UCK2: variants seen among roughly 807,000 people sequenced by gnomAD.
The protein encoded by UCK2 is uridine-cytidine kinase 2.
In UCK2, 6 loss-of-function variants were observed where a neutral mutation model predicts 30.8. The ratio of observed to expected loss-of-function variants is 0.19; its 90% CI spans 0.11 to 0.38. The LOEUF (loss-of-function observed/expected upper bound fraction) is 0.38. UCK2 is among the 10% of genes least tolerant of loss of function. The pLI is 1.00. For synonymous variants in UCK2, 125 were observed against 133.6 expected (o/e 0.94, Z 0.45); for missense variants, 210 against 339.8 (o/e 0.62, Z 3.00).
chr1:165,890,152 T>G (rs1571294580), intron 1 of UCK2, 52 bp from the exon 2 acceptor site: 1 of 1,607,076 alleles, frequency 6.2e-7, no homozygotes, highest in East Asian at 2.2e-5. Context: ...ACTTCCTCTG[T>G]ACCACACGTG....
At chr1:165,876,501 G>A (rs1268511579) in intron 1 of UCK2, among the ~76,000 whole-genome samples, 1 of 152,152 alleles carries the variant, frequency 6.6e-6, no homozygotes, top group East Asian at 1.9e-4. Context: ...TTTGTAAAAT[G>A]CAATGATACA....
intron 1 of UCK2, among the ~76,000 whole-genome samples, chr1:165,839,859 T>C (rs1654282636): frequency 6.6e-6 from 1 of 152,210 alleles, no homozygotes; most frequent in Non-Finnish European, 1.5e-5. Flanking sequence ...GCCGGTCACT[T>C]GCCGGTACCG....
intron 1 of UCK2, among the ~76,000 whole-genome samples, chr1:165,848,660 C>CCACA (rs71583906): frequency 1.4e-5 from 2 of 147,890 alleles, no homozygotes; most frequent in Non-Finnish European, 3.0e-5. Context: ...ACACACACAC[C>CCACA]CACACACACA....
intron 1 of UCK2, among the ~76,000 whole-genome samples, chr1:165,844,960 G>A (rs776366643): frequency 6.6e-6 from 1 of 152,038 alleles, no homozygotes; most frequent in Non-Finnish European, 1.5e-5. Context: ...TAATAAATGG[G>A]TAAACATAAG....
At chr1:165,839,571 A>G (rs1654274788) in intron 1 of UCK2, among the ~76,000 whole-genome samples, 1 of 152,080 alleles carries the variant, frequency 6.6e-6, no homozygotes, top group Non-Finnish European at 1.5e-5. Context: ...AAGCTTTATA[A>G]TGTGTCCACT....
At position 165,909,424 on chromosome 1, in the gene UCK2, C is replaced by G. The variant is rs1425506946; in HGVS notation, c.*1601C>G. On this transcript the variant is annotated 3_prime_UTR_variant, in exon 7 of 7. Transcript: ENST00000367879. ...CATTGCTCTCAGAGCCTGTTCGAGCCATTCAGGTAAATTGGTCTCCATTAT... is the reference window on the plus strand; with the variant it reads ...CATTGCTCTCAGAGCCTGTTCGAGCGATTCAGGTAAATTGGTCTCCATTAT... 6.6e-6 allele frequency: 1 copy of G among 152,206 alleles called. No individual in the cohort carries two copies. The highest frequency in any genetic ancestry group is 1.9e-4 in the East Asian group (1 of 5,202). 9.4% of individuals were successfully genotyped at this position (152,206 alleles called of 1,614,324 possible).
At position 165,909,535 on chromosome 1, in the gene UCK2, T is replaced by G. The variant is rs926679800; in HGVS notation, c.*1712T>G. 2.0e-5 allele frequency: 3 copies of G among 152,122 alleles called. No homozygotes were observed. The highest frequency in any genetic ancestry group is 7.2e-5 in the African/African-American group (3 of 41,420). The allele number at this position is 152,122 out of a possible 1,614,324, so 9.4% of individuals were successfully genotyped here. ...TGGGCTCAGTTTGACTCTAAATCTG[T>G]TTTGCTATTTTAAAAAGTCAAACCT... On this transcript the variant is annotated 3_prime_UTR_variant, in exon 7 of 7. Transcript: ENST00000367879.
At position 165,827,699 on chromosome 1, in the gene UCK2, G is replaced by T. The variant is rs917869047; in HGVS notation, c.-135G>T. The T allele has an allele frequency of 1.4e-4, 101 of 744,600 alleles. No individual in the cohort carries two copies. Among genetic ancestry groups the T allele is most frequent in the Admixed American group, 5.3e-4 (12 of 22,584 alleles). The allele number at this position is 744,600 out of a possible 1,614,324, so 46.1% of individuals were successfully genotyped here. ...CCCGTCACCGGGCTCCGAGCGGCTC[G>T]CAGGCGAGCGACAGCGGCCTCAGCC... On this transcript the variant is annotated 5_prime_UTR_variant, in exon 1 of 7. Transcript: ENST00000367879.
chr1:165,850,589 A>G (rs1473299197), intron 1 of UCK2, among the ~76,000 whole-genome samples: 3 of 149,110 alleles, frequency 2.0e-5, no homozygotes, highest in Non-Finnish European at 3.0e-5. Context: ...ACAGGTGCAC[A>G]TGCCACAACA....
intron 5 of UCK2, 103 bp downstream of exon 5, chr1:165,903,382 C>T (rs768506816): frequency 1.1e-6 from 1 of 942,502 alleles, no homozygotes; most frequent in South Asian, 1.5e-5. Context: ...CTGAATCTCA[C>T]TCCTCTCTCT....
intron 1 of UCK2, among the ~76,000 whole-genome samples, chr1:165,837,697 T>C (rs1433109262): frequency 6.6e-6 from 1 of 152,200 alleles, no homozygotes; most frequent in Non-Finnish European, 1.5e-5. Flanking sequence ...TTTACCTCAC[T>C]ATTGCCTGAA....
intron 3 of UCK2, chr1:165,894,097 C>T (rs757651073): frequency 6.6e-6 from 1 of 152,090 alleles, no homozygotes; most frequent in South Asian, 2.1e-4. Context: ...TGTAGATCCT[C>T]TCTCCCCCTG....
intron 1 of UCK2, among the ~76,000 whole-genome samples, chr1:165,853,661 C>T (rs1245405584): frequency 6.6e-6 from 1 of 152,136 alleles, no homozygotes; most frequent in African/African-American, 2.4e-5. Context: ...CTCTTTCCAT[C>T]CTTTGATGCT....
At chr1:165,896,102 C>T (rs1647236264) in intron 3 of UCK2, 88 bp from the exon 4 acceptor site, 6 of 1,554,866 alleles carry the variant, frequency 3.9e-6, no homozygotes, top group Non-Finnish European at 2.6e-6. Flanking sequence ...AACCCAGAAC[C>T]CAGCCCAGCC....
chr1:165,866,305 T>C (rs1655046332), intron 1 of UCK2, among the ~76,000 whole-genome samples: 1 of 152,190 alleles, frequency 6.6e-6, no homozygotes, highest in African/African-American at 2.4e-5. Context: ...CCCTGCCCAA[T>C]TGTGGTTTCA....
rs1647769367 is a variant in UCK2 at position 165,909,128 on chromosome 1, T to G, written c.*1305T>G. 1 of 152,218 alleles carries G rather than the reference T, an allele frequency of 6.6e-6. No homozygotes were observed. Among genetic ancestry groups the G allele is most frequent in the Non-Finnish European group, 1.5e-5 (1 of 68,006 alleles). The allele number at this position is 152,218 out of a possible 1,614,324, so 9.4% of individuals were successfully genotyped here. A position where few individuals can be genotyped will look rare whatever the true frequency, so the allele number is the denominator to read the frequency against. On this transcript the variant is annotated 3_prime_UTR_variant, in exon 7 of 7. Coordinates refer to ENST00000367879, the MANE Select transcript of UCK2 (RefSeq NM_012474.5). ...TAAGTTGGAGCCTGAGGTTGAAATA[T>G]TTGGGGTGGAGATTTCTAGCTTTCC...
intron 6 of UCK2, 81 bp from the exon 7 acceptor site, chr1:165,907,603 C>A: frequency 6.5e-7 from 1 of 1,529,032 alleles, no homozygotes. Context: ...TTCCTGCATG[C>A]CCTTCCCCCA....
In UCK2 at chr1:165,890,266, G is replaced by A. The variant is rs777876865; in HGVS notation, c.162G>A (p.Lys54=). Residue 54 remains lysine (K), a synonymous_variant, in exon 2 of 7, where the codon AAG becomes AAA. Transcript: ENST00000367879. ...AGAATGAGGTGGACTATCGCCAGAA[G>A]CAGGTGGTCATCCTGAGCCAGGATA... ...LGQNEVDYRQ[K]QVVILSQDSF... 2 of 1,614,182 alleles carry A rather than the reference G, an allele frequency of 1.2e-6. No homozygotes were observed. Among genetic ancestry groups the A allele is most frequent in the Admixed American group, 3.3e-5 (2 of 60,018 alleles).
Position 165,884,219 on chromosome 1 carries a change from ATTC to A in UCK2, c.100-5980_100-5978del, listed in dbSNP as rs556900588. Among the ~76,000 whole-genome samples the A allele has an allele frequency of 2.5e-4, 38 of 152,304 alleles. No homozygotes were observed. The East Asian group carries it at 6.8e-3, about 27-fold the overall frequency. ...GAGGCCAAGCGTCTGGCCTTCAAGC[ATTC>A]TTCTCTGCTGTGATGTTGTTTCCCG... On this transcript the variant is annotated intron_variant, in intron 1 of 6. Coordinates refer to ENST00000367879, the MANE Select transcript of UCK2 (RefSeq NM_012474.5).
Sources: allele counts gnomAD v4.1 joint callset (sites outside exome capture counted in the v4.1 genomes callset), GRCh38; gene constraint gnomAD v4.1.1; transcripts MANE v1.5; gene names NCBI Gene and HGNC (gene_info 2026-07-23, HGNC 2026-07-21).